Variants in TRANK1 observed in about 807,000 individuals in gnomAD.
TRANK1 encodes the protein TPR and ankyrin repeat-containing protein 1.
Under a neutral mutation model 266.0 loss-of-function variants are expected in TRANK1, and 198 were observed. The observed-to-expected ratio is 0.74, with a 90% CI of 0.66 to 0.84. The LOEUF is 0.84. Ranked by LOEUF, TRANK1 falls within the 40% of genes least tolerant of loss-of-function variation. The pLI, the probability that TRANK1 is intolerant of heterozygous loss-of-function variation, is 0.00. For synonymous variants in TRANK1, 1,396 were observed against 1,384.1 expected (o/e 1.01, Z -0.19); for missense variants, 3,326 against 3,634.6 (o/e 0.92, Z 2.18).
chr3:36,908,016 A>C (rs1214671448), intron 2 of TRANK1, among the ~76,000 whole-genome samples: 4 of 152,240 alleles, frequency 2.6e-5, no homozygotes, highest in Admixed American at 2.0e-4. Context: ...ATAATAAAGA[A>C]GATGAAATGA....
At chr3:36,828,414 A>AAGGG (rs770368606) in intron 23 of TRANK1, 39 bp from the exon 24 acceptor site, 1 of 578,142 alleles carries the variant, frequency 1.7e-6, no homozygotes, top group Non-Finnish European at 3.1e-6. Flanking sequence ...GGAAGGAAAG[A>AAGGG]AGGGAGGGAG....
chr3:36,866,626 G>A (rs141621692), intron 9 of TRANK1, among the ~76,000 whole-genome samples: 2 of 152,314 alleles, frequency 1.3e-5, no homozygotes, highest in East Asian at 1.9e-4. Flanking sequence ...TCATATTCTC[G>A]CATCTATCAG....
At chr3:36,868,741 T>C (rs923857796) in intron 9 of TRANK1, among the ~76,000 whole-genome samples, 2 of 152,224 alleles carry the variant, frequency 1.3e-5, no homozygotes, top group Non-Finnish European at 2.9e-5. Context: ...TATAAAAAGA[T>C]TGGTTTTATA....
chr3:36,897,336 T>C (rs2079807871), intron 4 of TRANK1, among the ~76,000 whole-genome samples: 1 of 152,076 alleles, frequency 6.6e-6, no homozygotes, highest in Non-Finnish European at 1.5e-5. Flanking sequence ...GCAGGCCAAG[T>C]CATTGGGTTT....
Position 36,831,901 on chromosome 3 carries a change from C to T in TRANK1, c.7682G>A (p.Arg2561Gln), listed in dbSNP as rs1239154310. ...IDYVVSGEAE[R>Q]TLVLCLVMLV... ...CATCACCAAGCACAGCACCAGTGTC[C>T]GCTCAGCCTCACCCGAGACCACATA... The change falls in exon 22 of 24, where the codon CGG becomes CAG. Residue 2561 changes from arginine to glutamine, a missense_variant. Physicochemically the swap from Arg to Gln is conservative, Grantham distance 43. Transcript: ENST00000645898. This position sits in a 1 kb window ranked among gnomAD's most constrained non-coding sequence, Gnocchi z 5.0. 5.6e-6 allele frequency: 9 copies of T among 1,614,030 alleles called. No homozygotes were observed. Among genetic ancestry groups the T allele is most frequent in the South Asian group, 3.3e-5 (3 of 91,078 alleles).
intron 1 of TRANK1, among the ~76,000 whole-genome samples, chr3:36,936,154 T>A (rs1390877908): frequency 2.6e-5 from 4 of 152,166 alleles, no homozygotes; most frequent in African/African-American, 7.2e-5. Flanking sequence ...AATTCCTAGC[T>A]TTTTGGAACT....
At chr3:36,881,306 G>GCC (rs2079528233) in intron 8 of TRANK1, among the ~76,000 whole-genome samples, 1 of 152,062 alleles carries the variant, frequency 6.6e-6, no homozygotes, top group Admixed American at 6.6e-5. Flanking sequence ...ACAAAAATTA[G>GCC]CCAGGCATGG....
At chr3:36,945,064 C>G (rs536899126), upstream of TRANK1, 63 of 437,578 alleles carry the variant, frequency 1.4e-4, no homozygotes, top group Non-Finnish European at 2.2e-4. Flanking sequence ...CAAGTTTCCA[C>G]GTAGTTGCGA....
chr3:36,838,043 C>G (rs922297097), intron 20 of TRANK1, among the ~76,000 whole-genome samples: 2 of 152,166 alleles, frequency 1.3e-5, no homozygotes, highest in African/African-American at 4.8e-5. Flanking sequence ...AGACTAGGAA[C>G]ACAGAGAAAG....
At chr3:36,935,398 C>T (rs1404151333) in intron 1 of TRANK1, among the ~76,000 whole-genome samples, 2 of 151,272 alleles carry the variant, frequency 1.3e-5, no homozygotes, top group African/African-American at 4.9e-5. Context: ...CAGCTCTGTG[C>T]CAGACACTAA....
At chr3:36,906,101 T>C (rs962711777) in intron 2 of TRANK1, among the ~76,000 whole-genome samples, 1 of 152,206 alleles carries the variant, frequency 6.6e-6, no homozygotes, top group African/African-American at 2.4e-5. Context: ...GAAAGCTGAA[T>C]GTTTGCCTTG....
In TRANK1 at chr3:36,849,515, T is replaced by A. The variant is rs571837516; in HGVS notation, c.4888-2169A>T. ...CCCCATACCCCTCAACCCACCCACA[T>A]ATAAGCCCAGATAACAGCTGCTTCA... is the stretch of plus-strand genomic sequence containing the variant. On this transcript the variant is annotated intron_variant, in intron 15 of 23. Transcript: ENST00000645898. Among the ~76,000 whole-genome samples the A allele has an allele frequency of 1.4e-3, 212 of 152,172 alleles. 1 individual carries two copies. The highest frequency in any genetic ancestry group is 4.8e-3 in the African/African-American group (201 of 41,504).
At chr3:36,872,053 C>G (rs1177148503) in intron 9 of TRANK1, among the ~76,000 whole-genome samples, 1 of 152,176 alleles carries the variant, frequency 6.6e-6, no homozygotes, top group Admixed American at 6.5e-5. Flanking sequence ...TACATACAAA[C>G]CATCCAAAGA....
At chr3:36,935,083 GC>G (rs1404119445) in intron 1 of TRANK1, among the ~76,000 whole-genome samples, 1 of 152,012 alleles carries the variant, frequency 6.6e-6, no homozygotes, top group East Asian at 1.9e-4. Flanking sequence ...GATCACCCAG[GC>G]CCCCAACCCC....
chr3:36,864,213 T>C, intron 10 of TRANK1, 106 bp downstream of exon 10: 1 of 1,224,826 alleles, frequency 8.2e-7, no homozygotes, highest in South Asian at 1.7e-5. Context: ...TACATGTAGA[T>C]ACATTATTTT....
chr3:36,859,974 C>T (rs1470115441), intron 11 of TRANK1, among the ~76,000 whole-genome samples: 2 of 152,180 alleles, frequency 1.3e-5, no homozygotes, highest in African/African-American at 2.4e-5. Context: ...ATTGATAACA[C>T]ACAATGTCTT....
chr3:36,864,174 A>G (rs1443358990), intron 10 of TRANK1, 145 bp downstream of exon 10: 4 of 942,750 alleles, frequency 4.2e-6, no homozygotes, highest in Admixed American at 3.4e-5. Context: ...ATTTTACACC[A>G]AAGAATGCTC....
At chr3:36,906,683 T>C (rs2079973212) in intron 2 of TRANK1, among the ~76,000 whole-genome samples, 1 of 151,914 alleles carries the variant, frequency 6.6e-6, no homozygotes, top group African/African-American at 2.4e-5. Context: ...GCTTTGAAGA[T>C]AAAGGAAGGA....
At chr3:36,899,377 G>T in intron 3 of TRANK1, 118 bp from the exon 4 acceptor site, 1 of 1,120,826 alleles carries the variant, frequency 8.9e-7, no homozygotes, top group Non-Finnish European at 1.2e-6. Context: ...ACTTCTGGCT[G>T]GGCACAGTGG....
Sources: gnomAD v4.1 joint callset for allele counts (sites outside exome capture counted in the v4.1 genomes callset) on GRCh38, gnomAD v4.1.1 for gene constraint, Gnocchi (gnomAD v3.1) non-coding constraint, MANE v1.5 for transcripts, NCBI Gene and HGNC (gene_info 2026-07-23, HGNC 2026-07-21) for gene names.